NSRP1: variants seen among roughly 807,000 people sequenced by gnomAD.
NSRP1 encodes coiled-coil domain containing 55.
A neutral mutation model predicts 54.7 loss-of-function variants in NSRP1; 24 were observed. That is an observed-to-expected ratio of 0.44 (90% CI 0.32 to 0.62). NSRP1 has a LOEUF of 0.62. NSRP1 is among the 20% of genes least tolerant of loss of function. The pLI, the probability that NSRP1 is intolerant of heterozygous loss-of-function variation, is 0.06. For synonymous variants in NSRP1, 210 were observed against 213.8 expected, an observed-to-expected ratio of 0.98 and a Z score of 0.15; for missense variants, 596 against 651.2, an observed-to-expected ratio of 0.92 and a Z score of 0.92.
intron 2 of NSRP1, among the ~76,000 whole-genome samples, chr17:30,121,988 C>G (rs1025520404): frequency 3.3e-5 from 5 of 152,114 alleles, no homozygotes; most frequent in African/African-American, 2.4e-5. Flanking sequence ...TAAACCCTGG[C>G]AACCACTAAT....
intron 2 of NSRP1, among the ~76,000 whole-genome samples, chr17:30,159,302 T>G (rs1190593127): frequency 6.6e-6 from 1 of 152,220 alleles, no homozygotes; most frequent in Non-Finnish European, 1.5e-5. Flanking sequence ...TTTTTCATGT[T>G]GATTTTGTGT....
At chr17:30,168,855 A>C (rs1904829553) in intron 2 of NSRP1, 1 of 152,018 alleles carries the variant, frequency 6.6e-6, no homozygotes, top group Admixed American at 6.5e-5. Flanking sequence ...TAATTGTTAA[A>C]GTACCTTTAT....
At chr17:30,151,933 G>A (rs1312674112) in intron 2 of NSRP1, among the ~76,000 whole-genome samples, 6 of 150,544 alleles carry the variant, frequency 4.0e-5, no homozygotes, top group Admixed American at 3.3e-4. Flanking sequence ...CCACGCCCGG[G>A]TAATTTTGTA....
In NSRP1 at chr17:30,184,862, T is replaced by C; in HGVS notation, c.865T>C (p.Ser289Pro). Reference protein sequence around the residue: ...DFKHHRSQNHSRSPSEERGHS... With the variant: ...DFKHHRSQNHPRSPSEERGHS... ...CAAGCACCACAGGAGTCAAAACCAC[T>C]CTCGGTCACCTAGTGAAGAAAGAGG... Residue 289 changes from serine (S) to proline (P), a missense_variant, in exon 7 of 7, where the codon TCT (serine) becomes CCT (proline). Ser to Pro is a moderately conservative substitution (Grantham distance 74). Transcript: ENST00000247026. 6.2e-7 allele frequency: 1 copy of C among 1,613,638 alleles called. No individual in the cohort carries two copies. Among genetic ancestry groups the C allele is most frequent in the East Asian group, 2.2e-5 (1 of 44,870 alleles).
intron 2 of NSRP1, among the ~76,000 whole-genome samples, chr17:30,126,331 A>G (rs1180254410): frequency 6.6e-6 from 1 of 152,056 alleles, no homozygotes; most frequent in Non-Finnish European, 1.5e-5. Context: ...TTTTCTTTAC[A>G]CTGGAAGTCT....
chr17:30,143,574 C>T (rs928325026), intron 2 of NSRP1, among the ~76,000 whole-genome samples: 2 of 151,904 alleles, frequency 1.3e-5, no homozygotes, highest in African/African-American at 4.8e-5. Flanking sequence ...GTTATAAGAC[C>T]TTTGACTGTT....
Position 30,172,527 on chromosome 17 carries a change from A to G in NSRP1, c.115-15A>G, listed in dbSNP as rs952706334. 1.3e-6 allele frequency: 2 copies of G among 1,591,966 alleles called. No homozygotes were observed. Among genetic ancestry groups the G allele is most frequent in the Non-Finnish European group, 1.7e-6 (2 of 1,169,200 alleles). On this transcript the variant is annotated splice_polypyrimidine_tract_variant and intron_variant, in intron 2 of 6. Coordinates refer to ENST00000247026, the MANE Select transcript of NSRP1 (RefSeq NM_032141.4). ...AAATTTGTTTAAAAAGTGACAATAT[A>G]TTTCTGTTTTACAGACCTCTGTGAG...
intron 2 of NSRP1, among the ~76,000 whole-genome samples, chr17:30,146,094 T>C (rs2071852874): frequency 1.3e-5 from 2 of 152,178 alleles, no homozygotes; most frequent in Non-Finnish European, 2.9e-5. Flanking sequence ...AGCAGTTCTC[T>C]TTCCTTGGCC....
At chr17:30,162,697 G>T (rs910587187) in intron 2 of NSRP1, among the ~76,000 whole-genome samples, 1 of 151,674 alleles carries the variant, frequency 6.6e-6, no homozygotes, top group Non-Finnish European at 1.5e-5. Flanking sequence ...TATTAGTTAT[G>T]GAATAATTAT....
intron 3 of NSRP1, 49 bp downstream of exon 3, chr17:30,172,647 A>C: frequency 1.4e-5 from 20 of 1,474,100 alleles, no homozygotes; most frequent in Non-Finnish European, 1.9e-5. Flanking sequence ...ATTCCGGCTC[A>C]TTTTTAAGCA....
rs550765015 is a variant in NSRP1, at chr17:30,164,907, T to C, written c.115-7635T>C. On this transcript the variant is annotated intron_variant, in intron 2 of 6. Coordinates refer to ENST00000247026, the MANE Select transcript of NSRP1 (RefSeq NM_032141.4). Reference sequence around the variant, plus strand: ...AATTGTCTACCTACTAATTTTGAAATGAGTCAATGACTTTATTGTGTGGTT... The same window carrying C: ...AATTGTCTACCTACTAATTTTGAAACGAGTCAATGACTTTATTGTGTGGTT... Among the ~76,000 whole-genome samples the C allele has an allele frequency of 2.0e-5, 3 of 152,346 alleles. No individual in the cohort carries two copies. The East Asian group carries it at 5.8e-4, about 29-fold the overall frequency.
At chr17:30,157,222 G>T (rs1426433454) in intron 2 of NSRP1, among the ~76,000 whole-genome samples, 1 of 152,070 alleles carries the variant, frequency 6.6e-6, no homozygotes, top group Non-Finnish European at 1.5e-5. Flanking sequence ...GTTTGGATTT[G>T]CATTTCCCTG....
chr17:30,131,096 A>AT (rs2071695523), intron 2 of NSRP1, among the ~76,000 whole-genome samples: 1 of 152,230 alleles, frequency 6.6e-6, no homozygotes, highest in Admixed American at 6.5e-5. Flanking sequence ...GATAAGGAAA[A>AT]TTAAACAGGT....
At chr17:30,126,460 T>TA (rs1379217960) in intron 2 of NSRP1, among the ~76,000 whole-genome samples, 2 of 152,254 alleles carry the variant, frequency 1.3e-5, no homozygotes. Flanking sequence ...TCCTTTTTCT[T>TA]ACACTCTTTA....
At chr17:30,138,643 T>C (rs2071770847) in intron 2 of NSRP1, among the ~76,000 whole-genome samples, 1 of 152,036 alleles carries the variant, frequency 6.6e-6, no homozygotes, top group African/African-American at 2.4e-5. Context: ...TCCACATAGA[T>C]GGAACCCACA....
chr17:30,118,771 C>T (rs1194909101), intron 2 of NSRP1, among the ~76,000 whole-genome samples: 1 of 131,060 alleles, frequency 7.6e-6, no homozygotes, highest in East Asian at 2.2e-4. Flanking sequence ...TTTTTTGAAA[C>T]AGTGTCTTGC....
At chr17:30,130,297 C>T (rs1437869902) in intron 2 of NSRP1, among the ~76,000 whole-genome samples, 1 of 152,040 alleles carries the variant, frequency 6.6e-6, no homozygotes, top group Non-Finnish European at 1.5e-5. Context: ...CAGAGTCTCA[C>T]TATGTTGCCC....
intron 2 of NSRP1, among the ~76,000 whole-genome samples, chr17:30,138,855 T>C (rs964309994): frequency 2.0e-4 from 31 of 151,824 alleles, no homozygotes; most frequent in Non-Finnish European, 3.8e-4. Context: ...TATTGACTGT[T>C]TTATTTGATA....
At position 30,119,372 on chromosome 17, in the gene NSRP1, C is replaced by G. The variant is rs185487953; in HGVS notation, c.114+1199C>G. On this transcript the variant is annotated intron_variant, in intron 2 of 6. Transcript: ENST00000247026. ...GATTACAGGTGCCCCACCACCACGC[C>G]CAGCTAATTTTTATATTTTTAGGAG... Among the ~76,000 whole-genome samples, 3 of 151,932 alleles carry G rather than the reference C, an allele frequency of 2.0e-5. No homozygotes were observed. In the East Asian group the frequency reaches 5.8e-4, roughly 29 times the overall value.
Sources: gnomAD v4.1 joint callset for allele counts (sites outside exome capture counted in the v4.1 genomes callset) on GRCh38, gnomAD v4.1.1 for gene constraint, MANE v1.5 for transcripts, NCBI Gene and HGNC (gene_info 2026-07-23, HGNC 2026-07-21) for gene names.